Variants in GART observed in about 807,000 individuals in gnomAD.
GART encodes the protein trifunctional purine biosynthetic protein adenosine-3.
In GART, 43 loss-of-function variants were observed where a neutral mutation model predicts 107.2. The observed-to-expected ratio is 0.40, with a 90% confidence interval of 0.31 to 0.52. The LOEUF (loss-of-function observed/expected upper bound fraction) is 0.52, where lower values mean the gene tolerates loss of function less well. Ranked by LOEUF, GART falls within the 20% of genes least tolerant of loss-of-function variation. GART has a pLI of 0.52. For missense variants in GART, 1,107 were observed against 1,206.5 expected (o/e 0.92, Z 1.22); for synonymous variants, 434 against 427.0 (o/e 1.02, Z -0.20).
chr21:33,539,631 C>T (rs1401469556), intron 1 of GART, among the ~76,000 whole-genome samples: 1 of 150,896 alleles, frequency 6.6e-6, no homozygotes, highest in East Asian at 1.9e-4. Context: ...AGGAGGAGAT[C>T]GCAGTGAGCC....
rs781071249 is a variant in GART at position 33,504,172 on chromosome 21, A to T, written c.2985T>A (p.Thr995=). ...TCTTGCCATTTTCTCCAAGCTGTACAGTTCCACTGGCCACCAGCTGAAGGG... is the reference window on the plus strand; with the variant it reads ...TCTTGCCATTTTCTCCAAGCTGTACTGTTCCACTGGCCACCAGCTGAAGGG... ...PAALQLVASG[T]VQLGENGKIC... The change falls in exon 22 of 22, where the codon ACT becomes ACA. Residue 995 remains threonine, a synonymous_variant. Coordinates refer to ENST00000381815, the MANE Select transcript of GART (RefSeq NM_000819.5). 6.2e-7 allele frequency: 1 copy of T among 1,614,092 alleles called. No homozygotes were observed. The highest frequency in any genetic ancestry group is 8.5e-7 in the Non-Finnish European group (1 of 1,180,046).
upstream of GART, chr21:33,542,880 C>T: frequency 1.7e-6 from 1 of 599,172 alleles, no homozygotes; most frequent in Non-Finnish European, 3.0e-6. Flanking sequence ...GCGGCGCAAA[C>T]GTCAGCACCT....
chr21:33,529,496 A>T (rs1601214098), intron 7 of GART: 2 of 137,094 alleles, frequency 1.5e-5, no homozygotes, highest in South Asian at 4.5e-4. Context: ...TTTGTTGTCC[A>T]GGCTGGAGTG....
intron 4 of GART, among the ~76,000 whole-genome samples, chr21:33,533,886 CAG>C (rs1021101558): frequency 1.4e-4 from 21 of 151,300 alleles, no homozygotes; most frequent in African/African-American, 5.1e-4. Flanking sequence ...GCCTGGGTGA[CAG>C]AGAGAGGCCC....
chr21:33,541,593 T>C (rs183481126), intron 1 of GART, among the ~76,000 whole-genome samples: 53 of 152,330 alleles, frequency 3.5e-4, no homozygotes, highest in African/African-American at 1.2e-3. Context: ...CACAGCGCCT[T>C]GGCCTGGGTA....
intron 16 of GART, among the ~76,000 whole-genome samples, chr21:33,516,645 C>T (rs557884498): frequency 1.2e-4 from 19 of 152,276 alleles, no homozygotes; most frequent in Non-Finnish European, 2.4e-4. Context: ...GGTTTAGGTC[C>T]TTTTATCTCG....
intron 10 of GART, among the ~76,000 whole-genome samples, chr21:33,526,167 G>A (rs545615848): frequency 3.6e-4 from 55 of 151,252 alleles, no homozygotes; most frequent in African/African-American, 1.2e-3. Context: ...GCGCCCAGCC[G>A]GGAACTTCCT....
chr21:33,520,603 T>C, intron 13 of GART, 41 bp from the exon 14 acceptor site: 1 of 1,539,148 alleles, frequency 6.5e-7, no homozygotes, highest in Non-Finnish European at 8.9e-7. Context: ...AGGGAATAAG[T>C]TCAAAATTGT....
chr21:33,506,145 T>C (rs1569007161), intron 18 of GART, 41 bp from the exon 19 acceptor site: 1 of 1,572,738 alleles, frequency 6.4e-7, no homozygotes, highest in East Asian at 2.3e-5. Flanking sequence ...ATACTACTAC[T>C]TCTTTTTTTT....
In GART at chr21:33,505,543, C is replaced by G; in HGVS notation, c.2725+18G>C. ...TTCAATTGATTTCCCAATGTGATGT[C>G]AAATAATTTTTGCTTACCATTCCAC... On this transcript the variant is annotated intron_variant, in intron 20 of 21. Coordinates refer to ENST00000381815, the MANE Select transcript of GART (RefSeq NM_000819.5). 6.3e-7 allele frequency: 1 copy of G among 1,576,480 alleles called. No homozygotes were observed.
chr21:33,520,672 G>A, intron 13 of GART, 110 bp from the exon 14 acceptor site: 1 of 967,122 alleles, frequency 1.0e-6, no homozygotes, highest in South Asian at 1.7e-5. Context: ...ACGAAATTCT[G>A]ACAAGCTACT....
At chr21:33,531,384 G>GT in intron 6 of GART, 105 bp downstream of exon 6, 1 of 973,954 alleles carries the variant, frequency 1.0e-6, no homozygotes, top group Non-Finnish European at 1.6e-6. Flanking sequence ...CTGGGTTTAT[G>GT]TTTTTAGATG....
chr21:33,512,720 C>T (rs2084807442), intron 16 of GART, among the ~76,000 whole-genome samples: 1 of 151,440 alleles, frequency 6.6e-6, no homozygotes, highest in Non-Finnish European at 1.5e-5. Context: ...TCCTGAGTAG[C>T]TGGGACTACA....
Position 33,517,074 on chromosome 21 carries a change from A to G in GART, c.2022T>C (p.His674=), listed in dbSNP as rs139735340. 2.1e-5 allele frequency: 34 copies of G among 1,613,768 alleles called. No individual in the cohort carries two copies. In the African/African-American group the frequency reaches 4.5e-4, roughly 22 times the overall value. Residue 674 remains histidine (H), a synonymous_variant, in exon 16 of 22, where the codon CAT becomes CAC. Transcript: ENST00000381815. ...HSLLPVLRSG[H]VKAFAHITGG... ...CAGTAATATGGGCAAAGGCTTTGAC[A>G]TGTCCTGAACGTAGGACAGGTAACA...
chr21:33,521,610 C>T (rs868595346), intron 12 of GART, among the ~76,000 whole-genome samples: 8 of 128,602 alleles, frequency 6.2e-5, no homozygotes, highest in Non-Finnish European at 7.9e-5. Flanking sequence ...CCAGCCTGGG[C>T]GACAGAGCCA....
At chr21:33,533,780 C>T (rs1277843214) in intron 4 of GART, among the ~76,000 whole-genome samples, 1 of 152,008 alleles carries the variant, frequency 6.6e-6, no homozygotes, top group African/African-American at 2.4e-5. Flanking sequence ...TGGTGTGTGC[C>T]TATTGTCCCA....
At chr21:33,519,877 A>G (rs994189106) in intron 14 of GART, among the ~76,000 whole-genome samples, 8 of 151,074 alleles carry the variant, frequency 5.3e-5, no homozygotes, top group African/African-American at 1.9e-4. Flanking sequence ...TGATCAACCT[A>G]CAGATTCATT....
intron 5 of GART, 33 bp downstream of exon 5, chr21:33,532,312 G>A: frequency 2.0e-6 from 3 of 1,473,482 alleles, no homozygotes; most frequent in Non-Finnish European, 2.8e-6. Context: ...AGTATGAATA[G>A]AAAAGTAAAT....
At chr21:33,514,660 A>G (rs1231554508) in intron 16 of GART, among the ~76,000 whole-genome samples, 1 of 152,132 alleles carries the variant, frequency 6.6e-6, no homozygotes. Context: ...TGAATGAACT[A>G]CTTATTAAGG....
Sources: allele counts gnomAD v4.1 joint callset (sites outside exome capture counted in the v4.1 genomes callset), GRCh38; gene constraint gnomAD v4.1.1; transcripts MANE v1.5; gene names NCBI Gene and HGNC (gene_info 2026-07-23, HGNC 2026-07-21).